Variants in KHDC4 observed in about 807,000 individuals in gnomAD.
KHDC4 encodes KH homology domain-containing protein 4.
In KHDC4, 19 loss-of-function variants were observed where a neutral mutation model predicts 74.5. The observed-to-expected ratio is 0.26, with a 90% CI of 0.18 to 0.37. The LOEUF (loss-of-function observed/expected upper bound fraction) is 0.37, where lower values mean the gene tolerates loss of function less well. KHDC4 is among the 10% of genes least tolerant of loss of function. KHDC4 has a pLI of 1.00. For missense variants in KHDC4, 632 were observed against 754.1 expected, an observed-to-expected ratio of 0.84 and a Z score of 1.90; for synonymous variants, 253 against 266.1, an observed-to-expected ratio of 0.95 and a Z score of 0.48.
intron 10 of KHDC4, chr1:155,921,146 T>TA (rs1673854656): frequency 1.9e-6 from 1 of 537,878 alleles, no homozygotes; most frequent in African/African-American, 1.9e-5. Context: ...ATCCCCACTT[T>TA]AAACAGCTAT....
chr1:155,927,892 T>C (rs562439803), intron 4 of KHDC4, among the ~76,000 whole-genome samples: 3 of 122,828 alleles, frequency 2.4e-5, no homozygotes, highest in East Asian at 2.6e-4. Context: ...TGGGGAAAGA[T>C]TGATCATGCA....
rs764823479 is a variant in KHDC4 at position 155,921,363 on chromosome 1, C to T, written c.1266+12G>A. On this transcript the variant is annotated intron_variant, in intron 10 of 13. Transcript: ENST00000368321. ...ATTCAGTAATATGTTGTTGCATATC[C>T]TGACATCCTACCTGTCCAGTGCTAG... is the stretch of plus-strand genomic sequence containing the variant. The T allele has an allele frequency of 6.2e-7, 1 of 1,612,556 alleles. No homozygotes were observed. Among genetic ancestry groups the T allele is most frequent in the Admixed American group, 1.7e-5 (1 of 59,974 alleles).
chr1:155,929,395 A>G lies in KHDC4; in HGVS notation c.385-20T>C. 1 of 1,598,344 alleles carries G rather than the reference A, an allele frequency of 6.3e-7. No individual in the cohort carries two copies. Among genetic ancestry groups the G allele is most frequent in the South Asian group, 1.1e-5 (1 of 89,974 alleles). On this transcript the variant is annotated intron_variant, in intron 3 of 13. Coordinates refer to ENST00000368321, the MANE Select transcript of KHDC4 (RefSeq NM_014949.4). ...GCTGATCTAAAAAAGGAAATGTTCA[A>G]TTAAAAAAATGTGGCAATTGGTTGA...
At chr1:155,919,963 G>A in intron 10 of KHDC4, 1 of 518,008 alleles carries the variant, frequency 1.9e-6, no homozygotes, top group Non-Finnish European at 3.9e-6. Flanking sequence ...ACTGGGCAAT[G>A]GTTCGAGGCT....
In KHDC4 at chr1:155,934,338, G is replaced by T. The variant is rs1224573618; in HGVS notation, c.36C>A (p.Gly12=). ...SAGSATHPGA[G]GRRSKWDQPA... is the part of the protein sequence containing the mutation. ...TGCCCTCGCCCCTGAAGCCGTACCC[G>T]CCAGCTCCAGGATGTGTCGCGCTCC... Residue 12 remains glycine, a splice_region_variant and synonymous_variant, in exon 1 of 14, where the codon GGC becomes GGA. Coordinates refer to ENST00000368321, the MANE Select transcript of KHDC4 (RefSeq NM_014949.4). 3 of 1,609,886 alleles carry T rather than the reference G, an allele frequency of 1.9e-6. No individual in the cohort carries two copies. The highest frequency in any genetic ancestry group is 1.7e-5 in the Admixed American group (1 of 59,976).
chr1:155,915,844 C>T (rs112266577), intron 13 of KHDC4, 29 bp downstream of exon 13: 11 of 1,419,108 alleles, frequency 7.8e-6, no homozygotes, highest in African/African-American at 5.8e-5. Flanking sequence ...TTAGCCACTC[C>T]CCTGTTCCCC....
chr1:155,917,023 T>TA (rs1673746763), intron 11 of KHDC4: 1 of 268,274 alleles, frequency 3.7e-6, no homozygotes. Context: ...CTAGAAACTA[T>TA]AAAAAAATGC....
In KHDC4 at chr1:155,925,413, C is replaced by T. The variant is rs181458217; in HGVS notation, c.893+219G>A. 4.2e-4 allele frequency among the ~76,000 whole-genome samples: 64 copies of T among 152,230 alleles called. No individual in the cohort carries two copies. In the East Asian group the frequency reaches 9.4e-3, roughly 22 times the overall value. On this transcript the variant is annotated intron_variant, in intron 7 of 13. Transcript: ENST00000368321. ...AAACTCCTGGGCTCAAGTGGTCCTACGCCTTGGCCTCCAGAAGTGTTGGGA... is the reference window on the plus strand; with the variant it reads ...AAACTCCTGGGCTCAAGTGGTCCTATGCCTTGGCCTCCAGAAGTGTTGGGA...
At chr1:155,923,839 A>G (rs1465377486) in intron 7 of KHDC4, 152 bp from the exon 8 acceptor site, 5 of 603,194 alleles carry the variant, frequency 8.3e-6, no homozygotes, top group Admixed American at 6.0e-5. Flanking sequence ...ACAGAAACAC[A>G]AAACATAAGT....
intron 13 of KHDC4, chr1:155,914,739 T>TA (rs755241070): frequency 6.0e-5 from 10 of 167,552 alleles, no homozygotes; most frequent in Non-Finnish European, 1.1e-4. Flanking sequence ...CTACAGGATT[T>TA]AGAGTTCTGG....
intron 10 of KHDC4, among the ~76,000 whole-genome samples, chr1:155,919,493 G>C (rs1204754379): frequency 6.6e-6 from 1 of 152,062 alleles, no homozygotes; most frequent in Non-Finnish European, 1.5e-5. Context: ...TGGCCAAAAT[G>C]GTGAAACCCC....
rs1336871968 is a variant in KHDC4 at position 155,921,640 on chromosome 1, GAA to G, written c.1013-14_1013-13del. On this transcript the variant is annotated splice_polypyrimidine_tract_variant and intron_variant, in intron 9 of 13. Transcript: ENST00000368321. ...GGGTTGTGTATAGCCTGAGGGGGAA[GAA>G]AAAAAGTGTTTAATCAGCTGCAGCA... 3 of 1,591,912 alleles carry G rather than the reference GAA, an allele frequency of 1.9e-6. No homozygotes were observed. The highest frequency in any genetic ancestry group is 1.1e-5 in the South Asian group (1 of 88,598).
At chr1:155,923,134 GGCGGA>G (rs1673904465) in intron 8 of KHDC4, among the ~76,000 whole-genome samples, 1 of 151,568 alleles carries the variant, frequency 6.6e-6, no homozygotes, top group African/African-American at 2.4e-5. Context: ...GAACCCGGGA[GGCGGA>G]GCTTGCAGTG....
chr1:155,927,828 A>C (rs35119405), intron 4 of KHDC4, among the ~76,000 whole-genome samples: 46 of 58,164 alleles, frequency 7.9e-4, no homozygotes, highest in Non-Finnish European at 1.5e-3. Flanking sequence ...AAAAAAAAAA[A>C]AAACCACACA....
At chr1:155,929,619 C>T (rs2102608640) in intron 3 of KHDC4, 93 bp downstream of exon 3, 1 of 1,405,074 alleles carries the variant, frequency 7.1e-7, no homozygotes, top group African/African-American at 1.4e-5. Flanking sequence ...TGACCCAAAC[C>T]CACTAATAAA....
intron 8 of KHDC4, 168 bp from the exon 9 acceptor site, chr1:155,922,086 C>CAG (rs4020747): frequency 1 from 451,813 of 453,106 alleles, 225,294 homozygotes; most frequent in Non-Finnish European, 1. Flanking sequence ...TTTTTTGAGA[C>CAG]AGTCTTGCTC....
chr1:155,917,922 TG>T (rs1673768517), intron 10 of KHDC4, among the ~76,000 whole-genome samples: 1 of 152,212 alleles, frequency 6.6e-6, no homozygotes, highest in Non-Finnish European at 1.5e-5. Flanking sequence ...GTTATGCATT[TG>T]GGCTACTAGG....
chr1:155,927,368 CCA>C (rs1355722615), intron 4 of KHDC4, among the ~76,000 whole-genome samples: 1 of 152,122 alleles, frequency 6.6e-6, no homozygotes, highest in Non-Finnish European at 1.5e-5. Context: ...GTCAACTGGC[CCA>C]CAGAGTTCAG....
At chr1:155,915,536 CTTGCTCT>C (rs1281334928) in intron 13 of KHDC4, 3 of 318,810 alleles carry the variant, frequency 9.4e-6, no homozygotes, top group Non-Finnish European at 1.7e-5. Context: ...GAGATGGAGT[CTTGCTCT>C]ATTGCCCAGG....
Sources: allele counts gnomAD v4.1 joint callset (sites outside exome capture counted in the v4.1 genomes callset), GRCh38; gene constraint gnomAD v4.1.1; transcripts MANE v1.5; gene names NCBI Gene and HGNC (gene_info 2026-07-23, HGNC 2026-07-21).